EIF3H: variants seen among roughly 807,000 people sequenced by gnomAD.
EIF3H encodes the protein eIF-3-gamma.
A neutral mutation model predicts 44.2 loss-of-function variants in EIF3H; 26 were observed. The ratio of observed to expected loss-of-function variants is 0.59; its 90% confidence interval spans 0.43 to 0.82. EIF3H has a LOEUF of 0.82. Ranked by LOEUF, EIF3H falls within the 40% of genes least tolerant of loss-of-function variation. The pLI is 0.00. For synonymous variants in EIF3H, 166 were observed against 151.9 expected (o/e 1.09, Z -0.68); for missense variants, 359 against 432.8 (o/e 0.83, Z 1.51).
At chr8:116,691,244 C>T (rs1814168419) in intron 2 of EIF3H, among the ~76,000 whole-genome samples, 1 of 152,162 alleles carries the variant, frequency 6.6e-6, no homozygotes, top group South Asian at 2.1e-4. Flanking sequence ...ACATATACCA[C>T]ACTTTGAAAG....
At chr8:116,664,441 T>C (rs934878275) in intron 2 of EIF3H, among the ~76,000 whole-genome samples, 8 of 152,236 alleles carry the variant, frequency 5.3e-5, no homozygotes, top group Admixed American at 5.2e-4. Context: ...TGAAGATCAC[T>C]GGAAAGGACA....
chr8:116,754,867 A>T (rs1815414528), intron 1 of EIF3H, among the ~76,000 whole-genome samples: 1 of 152,274 alleles, frequency 6.6e-6, no homozygotes. Context: ...GTACTTTCTT[A>T]TTACAAATAT....
chr8:116,700,979 T>C (rs1485866102), intron 2 of EIF3H, among the ~76,000 whole-genome samples: 1 of 152,204 alleles, frequency 6.6e-6, no homozygotes, highest in Non-Finnish European at 1.5e-5. Flanking sequence ...TAAATTTATA[T>C]TGTTAAATTA....
At chr8:116,755,887 G>T, upstream of EIF3H, 1 of 1,572,716 alleles carries the variant, frequency 6.4e-7, no homozygotes, top group South Asian at 1.1e-5. Context: ...GCCGGCGTTC[G>T]AGGGGCGGAG....
rs1014305820 is a variant in EIF3H, at chr8:116,737,301, A to C, written c.133-11129T>G. 6 of 436,838 alleles carry C rather than the reference A, an allele frequency of 1.4e-5. No individual in the cohort carries two copies. The East Asian group carries it at 3.5e-4, about 25-fold the overall frequency. 27.1% of individuals were successfully genotyped at this position (436,838 alleles called of 1,614,324 possible). ...GAAGGCATTTCCCTGGGGAAGAAAA[A>C]AAAAAGACTTTGTCATTCTTCAAAT... On this transcript the variant is annotated intron_variant, in intron 1 of 7. Transcript: ENST00000521861.
At chr8:116,731,891 T>C (rs181725904) in intron 1 of EIF3H, among the ~76,000 whole-genome samples, 13 of 152,274 alleles carry the variant, frequency 8.5e-5, no homozygotes, top group Admixed American at 2.0e-4. Flanking sequence ...TAGCAAATTC[T>C]TCTACACCTT....
chr8:116,697,887 C>A (rs1351715842), intron 2 of EIF3H, among the ~76,000 whole-genome samples: 1 of 152,162 alleles, frequency 6.6e-6, no homozygotes, highest in African/African-American at 2.4e-5. Flanking sequence ...TCAAATACTT[C>A]CAGACACACA....
At chr8:116,695,091 CAG>C (rs1586460718) in intron 2 of EIF3H, among the ~76,000 whole-genome samples, 1 of 127,754 alleles carries the variant, frequency 7.8e-6, no homozygotes, top group African/African-American at 3.0e-5. Context: ...TTTTTTGAGA[CAG>C]AGTCTCACCC....
Position 116,644,719 on chromosome 8 carries a change from T to G in EIF3H, c.*287A>C. On this transcript the variant is annotated 3_prime_UTR_variant, in exon 8 of 8. Coordinates refer to ENST00000521861, the MANE Select transcript of EIF3H (RefSeq NM_003756.3). ...AGCAAAAGTGGTGGAGCCTATAGGT[T>G]TCTGCCTGGTGAAACTTCCGGTCAG... The G allele has an allele frequency of 3.1e-6, 1 of 323,412 alleles. No homozygotes were observed. Among genetic ancestry groups the G allele is most frequent in the Non-Finnish European group, 5.7e-6 (1 of 174,574 alleles). The allele number at this position is 323,412 out of a possible 1,614,324, so 20.0% of individuals were successfully genotyped here.
At chr8:116,722,122 G>A (rs527707025) in intron 2 of EIF3H, among the ~76,000 whole-genome samples, 19 of 152,282 alleles carry the variant, frequency 1.2e-4, no homozygotes, top group African/African-American at 4.6e-4. Flanking sequence ...CATGTTGTGG[G>A]AGGGACTCAG....
chr8:116,746,249 A>AT (rs1815233186), intron 1 of EIF3H, among the ~76,000 whole-genome samples: 1 of 152,240 alleles, frequency 6.6e-6, no homozygotes, highest in Non-Finnish European at 1.5e-5. Context: ...TCTGAAAAAC[A>AT]TATTTCCCAA....
intron 2 of EIF3H, among the ~76,000 whole-genome samples, chr8:116,686,052 T>A (rs1814069839): frequency 6.6e-6 from 1 of 152,142 alleles, no homozygotes; most frequent in East Asian, 1.9e-4. Context: ...ACCCAGCATT[T>A]TAATACAATA....
intron 1 of EIF3H, among the ~76,000 whole-genome samples, chr8:116,743,797 TAAACACACACACACAC>T (rs1329858802): frequency 3.9e-4 from 13 of 33,084 alleles, no homozygotes; most frequent in Admixed American, 1.4e-3. Flanking sequence ...TATATATATA[TAAACACACACACACAC>T]ACACACACAC....
At chr8:116,750,046 C>T (rs1221066512) in intron 1 of EIF3H, among the ~76,000 whole-genome samples, 3 of 152,402 alleles carry the variant, frequency 2.0e-5, no homozygotes, top group Middle Eastern at 3.4e-3. Flanking sequence ...CTATATATGA[C>T]TGAGAATGGT....
rs150883678 is a variant in EIF3H at position 116,743,769 on chromosome 8, CAT to C, written c.132+11895_132+11896del. Among the ~76,000 whole-genome samples, 294 of 97,000 alleles carry C rather than the reference CAT, an allele frequency of 3.0e-3. 2 individuals carry two copies. The highest frequency in any genetic ancestry group is 0.024 in the East Asian group (95 of 3,986). The allele number at this position is 97,000 out of a possible 152,430, so 63.6% of individuals were successfully genotyped here. A position where few individuals can be genotyped will look rare whatever the true frequency, so the allele number is the denominator to read the frequency against. On this transcript the variant is annotated intron_variant, in intron 1 of 7. Transcript: ENST00000521861. ...CGATACCCTGTCTCAAAAATACATA[CAT>C]ATATATATATATATATATATATATA... is the stretch of plus-strand genomic sequence containing the variant.
intron 1 of EIF3H, among the ~76,000 whole-genome samples, chr8:116,763,695 G>T (rs1815541313): frequency 6.6e-6 from 1 of 152,002 alleles, no homozygotes; most frequent in Non-Finnish European, 1.5e-5. Context: ...GATAATGTTA[G>T]GTAGAAATTG....
chr8:116,668,341 A>G (rs938207016), intron 2 of EIF3H, among the ~76,000 whole-genome samples: 1 of 152,252 alleles, frequency 6.6e-6, no homozygotes, highest in African/African-American at 2.4e-5. Flanking sequence ...TAAAATGGTA[A>G]CGGAATTGTT....
At chr8:116,742,440 A>G (rs1815149531) in intron 1 of EIF3H, among the ~76,000 whole-genome samples, 1 of 152,202 alleles carries the variant, frequency 6.6e-6, no homozygotes. Flanking sequence ...TGCTTTACCA[A>G]TTCAATATAT....
At chr8:116,709,028 AG>A (rs1688478159) in intron 2 of EIF3H, among the ~76,000 whole-genome samples, 1 of 151,992 alleles carries the variant, frequency 6.6e-6, no homozygotes, top group Non-Finnish European at 1.5e-5. Flanking sequence ...TTGCAATAAA[AG>A]AAATTATGGT....
Sources: gnomAD v4.1 joint callset for allele counts (sites outside exome capture counted in the v4.1 genomes callset) on GRCh38, gnomAD v4.1.1 for gene constraint, MANE v1.5 for transcripts, NCBI Gene and HGNC (gene_info 2026-07-23, HGNC 2026-07-21) for gene names.